Variants in PPM1E observed in about 807,000 individuals in gnomAD.
PPM1E encodes the protein protein phosphatase 1E.
In PPM1E, 20 loss-of-function variants were observed where a neutral mutation model predicts 65.9. The observed-to-expected ratio is 0.30, with a 90% CI of 0.21 to 0.44. The LOEUF is 0.44. Among genes scored for constraint, PPM1E ranks in the 20% least tolerant of loss-of-function variants. The pLI, the probability that PPM1E is intolerant of heterozygous loss-of-function variation, is 1.00. For missense variants in PPM1E, 713 were observed against 953.1 expected (o/e 0.75, Z 3.32); for synonymous variants, 352 against 374.9 (o/e 0.94, Z 0.70).
At chr17:58,879,665 C>T (rs1259763420) in intron 1 of PPM1E, among the ~76,000 whole-genome samples, 1 of 151,860 alleles carries the variant, frequency 6.6e-6, no homozygotes, top group Admixed American at 6.6e-5. Context: ...CCCACCACCA[C>T]GCCTGGCTAA....
At chr17:58,819,993 C>T (rs2050463780) in intron 1 of PPM1E, among the ~76,000 whole-genome samples, 1 of 151,988 alleles carries the variant, frequency 6.6e-6, no homozygotes, top group South Asian at 2.1e-4. Context: ...GCCGAGATGG[C>T]ACCACTGCAC....
intron 1 of PPM1E, among the ~76,000 whole-genome samples, chr17:58,806,126 A>G (rs1656148372): frequency 6.6e-6 from 1 of 152,020 alleles, no homozygotes; most frequent in Non-Finnish European, 1.5e-5. Context: ...TTCTTCTGAA[A>G]GTAGGGAGTA....
intron 6 of PPM1E, among the ~76,000 whole-genome samples, chr17:58,973,342 G>C (rs2030764189): frequency 6.6e-6 from 1 of 151,540 alleles, no homozygotes; most frequent in Non-Finnish European, 1.5e-5. Flanking sequence ...GCTTGAACCT[G>C]GGAAGCAGAG....
intron 1 of PPM1E, among the ~76,000 whole-genome samples, chr17:58,831,314 T>C (rs987285569): frequency 6.6e-6 from 1 of 152,238 alleles, no homozygotes; most frequent in African/African-American, 2.4e-5. Context: ...CTTAAAACTT[T>C]ATCTTAAAGC....
At chr17:58,939,728 T>C (rs1198328624) in intron 1 of PPM1E, among the ~76,000 whole-genome samples, 1 of 152,190 alleles carries the variant, frequency 6.6e-6, no homozygotes, top group Non-Finnish European at 1.5e-5. Context: ...AAAGATTTTA[T>C]TTCCGTCTAT....
chr17:58,933,799 GAA>G (rs11316367), intron 1 of PPM1E, among the ~76,000 whole-genome samples: 78 of 128,572 alleles, frequency 6.1e-4, no homozygotes, highest in Non-Finnish European at 5.6e-4. Context: ...TATCTCAAAA[GAA>G]AAAAAAAAAA....
chr17:58,781,197 G>A (rs987835780), intron 1 of PPM1E, among the ~76,000 whole-genome samples: 11 of 145,918 alleles, frequency 7.5e-5, no homozygotes, highest in African/African-American at 2.8e-4. Context: ...CTGGAGTGCA[G>A]TGTCACGATC....
chr17:58,959,058 C>T (rs1056982460), intron 2 of PPM1E, among the ~76,000 whole-genome samples: 5 of 152,082 alleles, frequency 3.3e-5, no homozygotes, highest in Non-Finnish European at 5.9e-5. Flanking sequence ...TCTGTAATCC[C>T]AGCACTTTGG....
chr17:58,880,011 C>T (rs1490267636), intron 1 of PPM1E, among the ~76,000 whole-genome samples: 3 of 152,066 alleles, frequency 2.0e-5, no homozygotes, highest in South Asian at 2.1e-4. Context: ...TGGGAGCCCT[C>T]GTAAGGAACT....
intron 1 of PPM1E, among the ~76,000 whole-genome samples, chr17:58,901,798 G>C (rs1347374759): frequency 6.6e-6 from 1 of 152,056 alleles, no homozygotes; most frequent in East Asian, 1.9e-4. Context: ...CCAACATAGA[G>C]ATACCGTGTC....
At chr17:58,840,637 A>G (rs1000050952) in intron 1 of PPM1E, among the ~76,000 whole-genome samples, 1 of 150,400 alleles carries the variant, frequency 6.6e-6, no homozygotes, top group Non-Finnish European at 1.5e-5. Flanking sequence ...AGTGCTAAAG[A>G]AAAAAAAAAG....
At chr17:58,960,438 T>C (rs1206554303) in intron 2 of PPM1E, among the ~76,000 whole-genome samples, 1 of 152,118 alleles carries the variant, frequency 6.6e-6, no homozygotes, top group Non-Finnish European at 1.5e-5. Flanking sequence ...AAGGAAATGT[T>C]ATTGGAAGAA....
chr17:58,980,525 C>T lies in PPM1E; in HGVS notation c.1762C>T (p.Pro588Ser), dbSNP rs368424199. 12 of 1,614,102 alleles carry T rather than the reference C, an allele frequency of 7.4e-6. No individual in the cohort carries two copies. Among genetic ancestry groups the T allele is most frequent in the East Asian group, 4.5e-5 (2 of 44,872 alleles). ...SKPHSAQFLLPVEMFGPGAPK... is the reference protein window; with the variant it reads ...SKPHSAQFLLSVEMFGPGAPK... ...ACCTCACAGTGCCCAGTTTTTGCTA[C>T]CAGTTGAGATGTTTGGTCCTGGTGC... is the stretch of plus-strand genomic sequence containing the variant. Residue 588 changes from proline to serine, a missense_variant, in exon 7 of 7, where the codon CCA (proline) becomes TCA (serine). Transcript: ENST00000308249. The surrounding 1 kb of genome is among the most constrained non-coding windows in gnomAD (Gnocchi z 4.7).
chr17:58,801,403 C>T (rs930175221), intron 1 of PPM1E, among the ~76,000 whole-genome samples: 2 of 148,806 alleles, frequency 1.3e-5, no homozygotes. Context: ...AAATGTCCCC[C>T]TTTATCTCTG....
intron 1 of PPM1E, among the ~76,000 whole-genome samples, chr17:58,916,580 C>T (rs963897399): frequency 3.3e-5 from 5 of 151,930 alleles, no homozygotes; most frequent in Non-Finnish European, 7.4e-5. Context: ...GAGCCATGAT[C>T]ACATCACTCC....
intron 1 of PPM1E, among the ~76,000 whole-genome samples, chr17:58,794,790 C>T (rs1046877608): frequency 2.2e-4 from 33 of 152,040 alleles, no homozygotes; most frequent in African/African-American, 7.2e-4. Flanking sequence ...ATATACACCA[C>T]ATTTTCTTTA....
chr17:58,778,927 C>CATATATATATATATATATATATAT lies in PPM1E; in HGVS notation c.464+22477_464+22500dup, dbSNP rs59563297. 1.4e-4 allele frequency among the ~76,000 whole-genome samples: 14 copies of CATATATATATATATATATATATAT among 103,702 alleles called. 1 individual carries two copies. Among genetic ancestry groups the CATATATATATATATATATATATAT allele is most frequent in the Non-Finnish European group, 2.0e-4 (10 of 50,838 alleles). The allele number at this position is 103,702 out of a possible 152,430, so 68.0% of individuals were successfully genotyped here. On this transcript the variant is annotated intron_variant, in intron 1 of 6. Transcript: ENST00000308249. ...TATAACTAAATTGAGATGATACATA[C>CATATATATATATATATATATATAT]ATATATATATATATATATATATATA...
intron 1 of PPM1E, among the ~76,000 whole-genome samples, chr17:58,883,742 C>T (rs1987956918): frequency 6.6e-6 from 1 of 151,732 alleles, no homozygotes; most frequent in Non-Finnish European, 1.5e-5. Context: ...GCCTCGGCCT[C>T]CCAAAGTGCT....
chr17:58,845,365 C>T (rs1316535920), intron 1 of PPM1E, among the ~76,000 whole-genome samples: 1 of 151,434 alleles, frequency 6.6e-6, no homozygotes, highest in African/African-American at 2.4e-5. Flanking sequence ...CTGTCTTACC[C>T]ATTTTTAAGT....
Sources: gnomAD v4.1 joint callset for allele counts (sites outside exome capture counted in the v4.1 genomes callset) on GRCh38, gnomAD v4.1.1 for gene constraint, Gnocchi (gnomAD v3.1) non-coding constraint, MANE v1.5 for transcripts, NCBI Gene and HGNC (gene_info 2026-07-23, HGNC 2026-07-21) for gene names.